NRXN1: variants seen among roughly 807,000 people sequenced by gnomAD.
NRXN1 encodes neurexin 1.
A neutral mutation model predicts 150.9 loss-of-function variants in NRXN1; 39 were observed. The observed-to-expected ratio is 0.26, with a 90% confidence interval of 0.20 to 0.34. The LOEUF (loss-of-function observed/expected upper bound fraction) is 0.34, where lower values mean the gene tolerates loss of function less well. Among genes scored for constraint, NRXN1 ranks in the 10% least tolerant of loss-of-function variants. The pLI, the probability that NRXN1 is intolerant of heterozygous loss-of-function variation, is 1.00. For synonymous variants in NRXN1, 924 were observed against 757.0 expected (o/e 1.22, Z -3.62); for missense variants, 1,815 against 1,949.9 (o/e 0.93, Z 1.30).
chr2:50,423,566 G>A (rs942573800), intron 17 of NRXN1, among the ~76,000 whole-genome samples: 18 of 152,098 alleles, frequency 1.2e-4, no homozygotes, highest in African/African-American at 4.3e-4. Flanking sequence ...AGATAAGGAA[G>A]CGAGATATTA....
chr2:50,823,118 T>C (rs1669968247), intron 5 of NRXN1, among the ~76,000 whole-genome samples: 1 of 152,198 alleles, frequency 6.6e-6, no homozygotes, highest in African/African-American at 2.4e-5. Flanking sequence ...GTCATTTTAA[T>C]TATTTGCATA....
At chr2:50,400,840 A>G (rs1443904709) in intron 17 of NRXN1, among the ~76,000 whole-genome samples, 2 of 152,214 alleles carry the variant, frequency 1.3e-5, no homozygotes, top group Non-Finnish European at 2.9e-5. Flanking sequence ...AGATATGAAT[A>G]TGTTTAAGAA....
intron 18 of NRXN1, among the ~76,000 whole-genome samples, chr2:50,113,122 T>C (rs1466245234): frequency 6.6e-6 from 1 of 152,198 alleles, no homozygotes. Flanking sequence ...CTTGAAGGTA[T>C]GGCATTTTTG....
chr2:50,864,564 T>C (rs577912744), intron 5 of NRXN1, among the ~76,000 whole-genome samples: 34 of 152,160 alleles, frequency 2.2e-4, no homozygotes, highest in African/African-American at 7.9e-4. Flanking sequence ...AATCTTGAAA[T>C]AAATTGATAG....
At chr2:50,456,727 C>T (rs1054365329) in intron 17 of NRXN1, among the ~76,000 whole-genome samples, 3 of 151,908 alleles carry the variant, frequency 2.0e-5, no homozygotes, top group Admixed American at 6.6e-5. Context: ...ATGAGGGGCC[C>T]TTGGTCTTCA....
At chr2:50,372,461 G>C (rs2080099293) in intron 17 of NRXN1, among the ~76,000 whole-genome samples, 1 of 151,948 alleles carries the variant, frequency 6.6e-6, no homozygotes, top group Non-Finnish European at 1.5e-5. Flanking sequence ...ATAGTCATGA[G>C]GTTCACCTAA....
At chr2:50,540,196 C>T (rs918977531) in intron 9 of NRXN1, among the ~76,000 whole-genome samples, 1 of 152,178 alleles carries the variant, frequency 6.6e-6, no homozygotes, top group African/African-American at 2.4e-5. Flanking sequence ...AAAGGCATTG[C>T]TATTTTGGCC....
At chr2:50,668,400 C>T (rs1174633169) in intron 5 of NRXN1, among the ~76,000 whole-genome samples, 1 of 151,830 alleles carries the variant, frequency 6.6e-6, no homozygotes, top group Non-Finnish European at 1.5e-5. Flanking sequence ...TAAATCATTA[C>T]TGCAATATAT....
intron 17 of NRXN1, among the ~76,000 whole-genome samples, chr2:50,439,122 A>T (rs2085700869): frequency 6.6e-6 from 1 of 152,204 alleles, no homozygotes. Context: ...TCCTGCCAAA[A>T]GATTGAGATC....
chr2:50,067,889 C>A lies in NRXN1; in HGVS notation c.3719-12845G>T, dbSNP rs375720680. 3.9e-5 allele frequency among the ~76,000 whole-genome samples: 6 copies of A among 152,124 alleles called. 1 individual carries two copies. Among genetic ancestry groups the A allele is most frequent in the East Asian group, 3.8e-4 (2 of 5,196 alleles). ...ATATATTTTTTCTAAAGTGTCTTTT[C>A]CCAGTTCTTGTTTTTTGAAAATTGG... is the stretch of plus-strand genomic sequence containing the variant. On this transcript the variant is annotated intron_variant, in intron 19 of 22. Transcript: ENST00000401669.
At chr2:50,718,805 C>T (rs2105102432) in intron 5 of NRXN1, among the ~76,000 whole-genome samples, 1 of 152,130 alleles carries the variant, frequency 6.6e-6, no homozygotes, top group African/African-American at 2.4e-5. Context: ...CTCAACAGAG[C>T]CATTGACATT....
intron 5 of NRXN1, among the ~76,000 whole-genome samples, chr2:50,894,687 A>T (rs1282124528): frequency 6.6e-6 from 1 of 152,204 alleles, no homozygotes; most frequent in Non-Finnish European, 1.5e-5. Flanking sequence ...ATGTGGTTAT[A>T]TAATTTATAT....
intron 13 of NRXN1, among the ~76,000 whole-genome samples, chr2:50,499,697 C>T (rs188839464): frequency 5.3e-5 from 8 of 152,100 alleles, no homozygotes; most frequent in Non-Finnish European, 1.2e-4. Context: ...CCTGTAATCC[C>T]AGCATTTTGG....
Position 50,434,043 on chromosome 2 carries a change from A to ATTT in NRXN1, c.3364+31396_3364+31398dup, listed in dbSNP as rs748364051. On this transcript the variant is annotated intron_variant, in intron 17 of 22. Coordinates refer to ENST00000401669, the MANE Select transcript of NRXN1 (RefSeq NM_001330078.2). ...ACTCCTTGCTTCCGGTATCTAAGCCATTTTTTTTTTTTTTTTTTTTTTTTT... is the reference window on the plus strand; with the variant it reads ...ACTCCTTGCTTCCGGTATCTAAGCCATTTTTTTTTTTTTTTTTTTTTTTTTTTT... Among the ~76,000 whole-genome samples, 131 of 72,112 alleles carry ATTT rather than the reference A, an allele frequency of 1.8e-3. 10 individuals carry two copies. The highest frequency in any genetic ancestry group is 3.7e-3 in the African/African-American group (67 of 18,160). 47.3% of individuals were successfully genotyped at this position (72,112 alleles called of 152,430 possible).
chr2:50,743,233 G>C (rs561423982), intron 5 of NRXN1, among the ~76,000 whole-genome samples: 6 of 152,132 alleles, frequency 3.9e-5, no homozygotes, highest in African/African-American at 1.4e-4. Context: ...GTTGCTATCA[G>C]TTTGTACAAC....
chr2:50,932,287 C>G (rs1013022987), intron 2 of NRXN1, among the ~76,000 whole-genome samples: 7 of 151,890 alleles, frequency 4.6e-5, no homozygotes, highest in African/African-American at 1.7e-4. Flanking sequence ...ACTCAGGAGG[C>G]TGAGGAAGGA....
intron 5 of NRXN1, among the ~76,000 whole-genome samples, chr2:50,879,448 T>A (rs1679102231): frequency 1.3e-5 from 2 of 152,046 alleles, no homozygotes. Context: ...TCAGGAGTTA[T>A]GAATAAATAA....
At chr2:50,794,021 T>C (rs1019237358) in intron 5 of NRXN1, among the ~76,000 whole-genome samples, 4 of 151,934 alleles carry the variant, frequency 2.6e-5, no homozygotes, top group African/African-American at 9.7e-5. Context: ...TAAAAATAGG[T>C]AGAAGCAGGG....
intron 2 of NRXN1, among the ~76,000 whole-genome samples, chr2:50,948,796 T>A (rs1460302226): frequency 6.6e-6 from 1 of 152,054 alleles, no homozygotes; most frequent in African/African-American, 2.4e-5. Context: ...TAGAGCTTAT[T>A]TGGAAGTCTA....
Sources: allele counts gnomAD v4.1 joint callset (sites outside exome capture counted in the v4.1 genomes callset), GRCh38; gene constraint gnomAD v4.1.1; transcripts MANE v1.5; gene names NCBI Gene and HGNC (gene_info 2026-07-23, HGNC 2026-07-21).